Variants in AFF3 observed in about 807,000 individuals in gnomAD.
AFF3 encodes AF4/FMR2 family member 3.
Under a neutral mutation model 129.7 loss-of-function variants are expected in AFF3, and 32 were observed. The ratio of observed to expected loss-of-function variants is 0.25; its 90% confidence interval spans 0.19 to 0.33. AFF3 has a LOEUF of 0.33. AFF3 is among the 10% of genes least tolerant of loss of function. The probability of loss-of-function intolerance (pLI) is 1.00; values close to 1 mark genes in which losing one functional copy is unlikely to be tolerated. For missense variants in AFF3, 1,373 were observed against 1,592.0 expected (o/e 0.86, Z 2.34); for synonymous variants, 644 against 635.4 (o/e 1.01, Z -0.20).
At chr2:99,975,787 T>A in intron 7 of AFF3, among the ~76,000 whole-genome samples, 2 of 112,596 alleles carry the variant, frequency 1.8e-5, no homozygotes, top group Admixed American at 1.1e-4. Context: ...CAAACCACCC[T>A]ACTAGATTAT....
intron 11 of AFF3, among the ~76,000 whole-genome samples, chr2:99,697,809 C>T (rs927685775): frequency 6.6e-6 from 1 of 152,196 alleles, no homozygotes; most frequent in Non-Finnish European, 1.5e-5. Flanking sequence ...TTGTCTTCTT[C>T]ACAGGCTATT....
chr2:99,642,179 C>T (rs1311526467), intron 13 of AFF3, among the ~76,000 whole-genome samples: 1 of 152,128 alleles, frequency 6.6e-6, no homozygotes, highest in Non-Finnish European at 1.5e-5. Context: ...GCTATCTGGC[C>T]CAATCCCCAC....
At chr2:99,763,471 C>T (rs567730816) in intron 8 of AFF3, among the ~76,000 whole-genome samples, 1 of 152,196 alleles carries the variant, frequency 6.6e-6, no homozygotes, top group Non-Finnish European at 1.5e-5. Context: ...TCTCTTGAGC[C>T]TAGGAATTCT....
At chr2:99,611,360 T>C (rs994095466) in intron 13 of AFF3, among the ~76,000 whole-genome samples, 1 of 152,188 alleles carries the variant, frequency 6.6e-6, no homozygotes, top group Non-Finnish European at 1.5e-5. Context: ...CTTGGTATGA[T>C]GAGTGATTTT....
chr2:99,830,353 T>C (rs1017964129), intron 8 of AFF3, among the ~76,000 whole-genome samples: 6 of 151,738 alleles, frequency 4.0e-5, no homozygotes, highest in Non-Finnish European at 4.4e-5. Context: ...CCATTCTAGG[T>C]GAATCAGTGA....
At chr2:100,124,398 C>T (rs1029290773) in intron 2 of AFF3, among the ~76,000 whole-genome samples, 1 of 152,160 alleles carries the variant, frequency 6.6e-6, no homozygotes, top group Non-Finnish European at 1.5e-5. Flanking sequence ...CATCTAAAGG[C>T]TTTTATACCC....
intron 4 of AFF3, among the ~76,000 whole-genome samples, chr2:100,078,157 A>G (rs1688738333): frequency 1.3e-5 from 2 of 152,214 alleles, no homozygotes; most frequent in Admixed American, 6.5e-5. Flanking sequence ...GACTGGCTCA[A>G]AGAGCTTCAG....
At chr2:99,707,736 C>A (rs1677539559) in intron 11 of AFF3, 1 of 804,198 alleles carries the variant, frequency 1.2e-6, no homozygotes, top group Non-Finnish European at 1.5e-6. Flanking sequence ...AATCTTCAGG[C>A]TAAAGAGTCT....
At chr2:99,752,545 G>A (rs1382919019) in intron 8 of AFF3, among the ~76,000 whole-genome samples, 2 of 152,056 alleles carry the variant, frequency 1.3e-5, no homozygotes, top group South Asian at 2.1e-4. Context: ...AGTTTGCAAG[G>A]CTGTCCTATT....
intron 4 of AFF3, among the ~76,000 whole-genome samples, chr2:100,063,095 A>G (rs1234618127): frequency 1.3e-5 from 2 of 152,146 alleles, no homozygotes; most frequent in Non-Finnish European, 2.9e-5. Flanking sequence ...TACTAAAAAT[A>G]CAAAAATTAG....
At chr2:99,732,423 G>A (rs763535960) in intron 10 of AFF3, among the ~76,000 whole-genome samples, 3 of 147,114 alleles carry the variant, frequency 2.0e-5, no homozygotes, top group Admixed American at 6.8e-5. Flanking sequence ...CTTTTTAACC[G>A]CCTATGTATG....
chr2:99,857,317 T>G (rs1690602346), intron 7 of AFF3, among the ~76,000 whole-genome samples: 1 of 152,246 alleles, frequency 6.6e-6, no homozygotes, highest in African/African-American at 2.4e-5. Context: ...GCATTAATTG[T>G]GATCAATTGT....
intron 15 of AFF3, among the ~76,000 whole-genome samples, chr2:99,587,722 C>T (rs963605640): frequency 6.6e-6 from 1 of 152,068 alleles, no homozygotes. Context: ...TTTAAAAATT[C>T]TTGCTTTGGC....
intron 2 of AFF3, among the ~76,000 whole-genome samples, chr2:100,122,032 G>A (rs368978637): frequency 2.0e-5 from 3 of 152,300 alleles, no homozygotes; most frequent in African/African-American, 7.2e-5. Context: ...ACTGCAGTCC[G>A]CAGTCCGGCC....
chr2:99,891,862 G>A (rs995581687), intron 7 of AFF3, among the ~76,000 whole-genome samples: 3 of 149,694 alleles, frequency 2.0e-5, no homozygotes, highest in Non-Finnish European at 4.4e-5. Flanking sequence ...TCGCTCTGTT[G>A]CCCAGGCTGG....
chr2:99,986,220 A>AATC (rs1679854553), intron 7 of AFF3, among the ~76,000 whole-genome samples: 1 of 138,748 alleles, frequency 7.2e-6, no homozygotes. Flanking sequence ...TAATAATAAT[A>AATC]ATAATAATAA....
At chr2:100,086,159 C>T (rs1047793320) in intron 4 of AFF3, among the ~76,000 whole-genome samples, 12 of 151,944 alleles carry the variant, frequency 7.9e-5, no homozygotes, top group Admixed American at 5.2e-4. Context: ...AAGGAAACCA[C>T]AGAAAGCCCT....
rs113642079 is a variant in AFF3, at chr2:99,939,733, T to C, written c.873+66899A>G. Among the ~76,000 whole-genome samples the C allele has an allele frequency of 1.9e-3, 288 of 152,354 alleles. 1 individual carries two copies. Among genetic ancestry groups the C allele is most frequent in the South Asian group, 3.3e-3 (16 of 4,834 alleles). On this transcript the variant is annotated intron_variant, in intron 7 of 24. Transcript: ENST00000672756. Reference sequence around the variant, plus strand: ...ACGAAGCTTCCTGAAGCATCTGATATTCTGACTACTTCTGCTGGATTAGTG... The same window carrying C: ...ACGAAGCTTCCTGAAGCATCTGATACTCTGACTACTTCTGCTGGATTAGTG...
At chr2:99,913,315 T>G (rs1220927333) in intron 7 of AFF3, among the ~76,000 whole-genome samples, 1 of 152,150 alleles carries the variant, frequency 6.6e-6, no homozygotes, top group Non-Finnish European at 1.5e-5. Context: ...AAGTATACTG[T>G]GGATAGTGGG....
Sources: allele counts gnomAD v4.1 joint callset (sites outside exome capture counted in the v4.1 genomes callset), GRCh38; gene constraint gnomAD v4.1.1; transcripts MANE v1.5; gene names NCBI Gene and HGNC (gene_info 2026-07-23, HGNC 2026-07-21).